ACOX2: variants seen among roughly 807,000 people sequenced by gnomAD.
ACOX2 encodes the protein acyl-CoA oxidase 2.
A neutral mutation model predicts 77.5 loss-of-function variants in ACOX2; 59 were observed. The observed-to-expected ratio is 0.76, with a 90% CI of 0.62 to 0.95. ACOX2 has a LOEUF of 0.95. Among genes scored for constraint, ACOX2 ranks in the 40% least tolerant of loss-of-function variants. ACOX2 has a pLI of 0.00. For synonymous variants in ACOX2, 317 were observed against 340.1 expected (o/e 0.93, Z 0.75); for missense variants, 837 against 880.4 (o/e 0.95, Z 0.62).
At chr3:58,511,323 TG>T (rs35489879) in intron 13 of ACOX2, 99,738 of 368,430 alleles carry the variant, frequency 0.27, 14,869 homozygotes, top group Middle Eastern at 0.37. Flanking sequence ...GGCAAGTTCA[TG>T]AAAAAGTGGG....
Position 58,515,025 on chromosome 3 carries a change from C to CT in ACOX2, c.1850+2180dup, listed in dbSNP as rs368058851. ...GTTTTTGATGATTTAACTGAACAAACTTTTTTTTTTTTCTTGAGATGGAGT... is the reference window on the plus strand; with the variant it reads ...GTTTTTGATGATTTAACTGAACAAACTTTTTTTTTTTTTCTTGAGATGGAGT... On this transcript the variant is annotated intron_variant, in intron 13 of 14. Coordinates refer to ENST00000302819, the MANE Select transcript of ACOX2 (RefSeq NM_003500.4). This position sits in a 1 kb window ranked among gnomAD's most constrained non-coding sequence, Gnocchi z 4.0. Among the ~76,000 whole-genome samples, 69 of 147,560 alleles carry CT rather than the reference C, an allele frequency of 4.7e-4. No homozygotes were observed. The highest frequency in any genetic ancestry group is 8.0e-4 in the East Asian group (4 of 5,030).
In ACOX2 at chr3:58,530,331, T is replaced by G. The variant is rs1046167574; in HGVS notation, c.992+135A>C. The G allele has an allele frequency of 2.4e-6, 3 of 1,263,534 alleles. No homozygotes were observed. In the African/African-American group the frequency reaches 4.4e-5, roughly 19 times the overall value. 78.3% of individuals were successfully genotyped at this position (1,263,534 alleles called of 1,614,324 possible). A position where few individuals can be genotyped will look rare whatever the true frequency, so the allele number is the denominator to read the frequency against. On this transcript the variant is annotated intron_variant, in intron 8 of 14. Transcript: ENST00000302819. The stretch of plus-strand genomic sequence containing the variant: ...GGCCAGGCTGGGTAGATTTTGTGTT[T>G]GTGTGTGTGTATGTGGTGGGGGGCA...
chr3:58,518,096 AAAAAG>A (rs1560213408), intron 12 of ACOX2, among the ~76,000 whole-genome samples: 1 of 151,144 alleles, frequency 6.6e-6, no homozygotes, highest in Non-Finnish European at 1.5e-5. Flanking sequence ...AAAAAAAAAA[AAAAAG>A]AAAAGAAAAG....
At position 58,512,729 on chromosome 3, in the gene ACOX2, C is replaced by T. The variant is rs1386200056; in HGVS notation, c.1851-3704G>A. The stretch of plus-strand genomic sequence containing the variant: ...ATGCACTGCATAATGATGTTTTGGT[C>T]AATGATGGACCATGTATATGATGGC... On this transcript the variant is annotated intron_variant, in intron 13 of 14. Coordinates refer to ENST00000302819, the MANE Select transcript of ACOX2 (RefSeq NM_003500.4). This position sits in a 1 kb window ranked among gnomAD's most constrained non-coding sequence, Gnocchi z 4.8. Among the ~76,000 whole-genome samples the T allele has an allele frequency of 1.3e-5, 2 of 152,140 alleles. No homozygotes were observed. Among genetic ancestry groups the T allele is most frequent in the Non-Finnish European group, 2.9e-5 (2 of 68,038 alleles).
intron 13 of ACOX2, among the ~76,000 whole-genome samples, chr3:58,516,650 C>G (rs2063323541): frequency 6.6e-6 from 1 of 152,086 alleles, no homozygotes; most frequent in Non-Finnish European, 1.5e-5. Flanking sequence ...CCAGCCTGGT[C>G]AACATGGCGA....
chr3:58,509,774 T>C (rs2107985560), intron 13 of ACOX2, among the ~76,000 whole-genome samples: 1 of 151,524 alleles, frequency 6.6e-6, no homozygotes, highest in Middle Eastern at 3.4e-3. Context: ...CCTGGCTGAT[T>C]TTTGTATTTT....
Position 58,531,488 on chromosome 3 carries a change from C to T in ACOX2, c.704-122G>A. 3.3e-6 allele frequency: 4 copies of T among 1,228,884 alleles called. No individual in the cohort carries two copies. The highest frequency in any genetic ancestry group is 2.5e-5 in the East Asian group (1 of 40,198). The allele number at this position is 1,228,884 out of a possible 1,614,324, so 76.1% of individuals were successfully genotyped here. ...CACTGGGATTATTGTACCTATTTTG[C>T]AGGTGAACAAGCTGAGGTCAGAAAG... On this transcript the variant is annotated intron_variant, in intron 6 of 14. Transcript: ENST00000302819. The surrounding 1 kb of genome is among the most constrained non-coding windows in gnomAD (Gnocchi z 5.8).
At position 58,526,738 on chromosome 3, in the gene ACOX2, T is replaced by C; in HGVS notation, c.1156-82A>G. On this transcript the variant is annotated intron_variant, in intron 9 of 14. Transcript: ENST00000302819. This position sits in a 1 kb window ranked among gnomAD's most constrained non-coding sequence, Gnocchi z 4.3. ...AACCCTGTGCACCACTTACTGAGCA[T>C]CTACTCATGCCCAGCTCAGCTCTGA... 1.4e-6 allele frequency: 2 copies of C among 1,437,486 alleles called. No homozygotes were observed. The highest frequency in any genetic ancestry group is 1.9e-6 in the Non-Finnish European group (2 of 1,049,332). The allele number at this position is 1,437,486 out of a possible 1,614,324, so 89.0% of individuals were successfully genotyped here.
chr3:58,517,559 T>C (rs2063330047), intron 12 of ACOX2, 136 bp from the exon 13 acceptor site: 1 of 562,524 alleles, frequency 1.8e-6, no homozygotes. Context: ...AGCTGCCTTT[T>C]CTCCTAGCTC....
rs374565538 is a variant in ACOX2, at chr3:58,526,659, G to C, written c.1156-3C>G. ...ATGCCCGTGCTCAGTGCGTGGAGCT[G>C]TGAGAACATGGAGGGGGGTTGGGCG... is the stretch of plus-strand genomic sequence containing the variant. On this transcript the variant is annotated splice_polypyrimidine_tract_variant and splice_region_variant and intron_variant, in intron 9 of 14. Coordinates refer to ENST00000302819, the MANE Select transcript of ACOX2 (RefSeq NM_003500.4). This position sits in a 1 kb window ranked among gnomAD's most constrained non-coding sequence, Gnocchi z 4.3. 53 of 1,612,904 alleles carry C rather than the reference G, an allele frequency of 3.3e-5. No homozygotes were observed. Among genetic ancestry groups the C allele is most frequent in the Non-Finnish European group, 4.3e-5 (51 of 1,179,446 alleles).
At position 58,525,163 on chromosome 3, in the gene ACOX2, G is replaced by C. The variant is rs923562747; in HGVS notation, c.1347-558C>G. On this transcript the variant is annotated intron_variant, in intron 10 of 14. Coordinates refer to ENST00000302819, the MANE Select transcript of ACOX2 (RefSeq NM_003500.4). The surrounding 1 kb of genome is among the most constrained non-coding windows in gnomAD (Gnocchi z 5.0). ...TCTCTAGCTCTAGGTGGGGAGGACAGTTCTCATCTGATTGAGGGTTTGTGA... is the reference window on the plus strand; with the variant it reads ...TCTCTAGCTCTAGGTGGGGAGGACACTTCTCATCTGATTGAGGGTTTGTGA... Among the ~76,000 whole-genome samples the C allele has an allele frequency of 6.6e-6, 1 of 152,116 alleles. No homozygotes were observed. Among genetic ancestry groups the C allele is most frequent in the South Asian group, 2.1e-4 (1 of 4,818 alleles).
At chr3:58,520,779 G>T (rs912467696) in intron 12 of ACOX2, among the ~76,000 whole-genome samples, 1 of 152,332 alleles carries the variant, frequency 6.6e-6, no homozygotes, top group South Asian at 2.1e-4. Flanking sequence ...AGCTGTCAGG[G>T]ACGTGTTCTT....
intron 13 of ACOX2, chr3:58,510,886 T>C (rs1226720454): frequency 6.8e-6 from 3 of 438,746 alleles, no homozygotes; most frequent in Non-Finnish European, 1.4e-5. Flanking sequence ...AGGGCTCAAG[T>C]GGGCCCTGAT....
Position 58,517,344 on chromosome 3 carries a change from A to G in ACOX2, c.1712T>C (p.Val571Ala). 1 of 1,614,166 alleles carries G rather than the reference A, an allele frequency of 6.2e-7. No homozygotes were observed. The highest frequency in any genetic ancestry group is 8.5e-7 in the Non-Finnish European group (1 of 1,180,032). ...ATGGAGGTCACAGAGGCGCTTGAGCACCTGCTGAATCGCTGGTTCATTTTC... is the reference window on the plus strand; with the variant it reads ...ATGGAGGTCACAGAGGCGCTTGAGCGCCTGCTGAATCGCTGGTTCATTTTC... ...KLENEPAIQQ[V>A]LKRLCDLHAI... Residue 571 changes from valine (V) to alanine (A), a missense_variant, in exon 13 of 15, where the codon GTG (valine) becomes GCG (alanine). By Grantham distance (64) the Val-to-Ala change is moderately conservative. Transcript: ENST00000302819.
rs1203731834 is a variant in ACOX2, at chr3:58,531,121, C to G, written c.819+130G>C. 1.3e-6 allele frequency: 1 copy of G among 753,594 alleles called. No individual in the cohort carries two copies. The highest frequency in any genetic ancestry group is 2.2e-6 in the Non-Finnish European group (1 of 462,126). The allele number at this position is 753,594 out of a possible 1,614,324, so 46.7% of individuals were successfully genotyped here. ...GGTTTCACCCCAATCTGTGGGATAT[C>G]AGAGCCTCTCTTGGGGGAGGAGGTT... is the stretch of plus-strand genomic sequence containing the variant. On this transcript the variant is annotated intron_variant, in intron 7 of 14. Transcript: ENST00000302819. The surrounding 1 kb of genome is among the most constrained non-coding windows in gnomAD (Gnocchi z 5.8).
intron 8 of ACOX2, among the ~76,000 whole-genome samples, chr3:58,530,243 T>C (rs1203676603): frequency 1.3e-5 from 2 of 152,178 alleles, no homozygotes; most frequent in Admixed American, 1.3e-4. Flanking sequence ...AGGATGCAGG[T>C]TAGGCCGGCT....
chr3:58,534,642 C>G lies in ACOX2; in HGVS notation c.161-120G>C, dbSNP rs1206199050. 6.4e-7 allele frequency: 1 copy of G among 1,570,838 alleles called. No homozygotes were observed. The highest frequency in any genetic ancestry group is 2.3e-5 in the East Asian group (1 of 43,770). On this transcript the variant is annotated intron_variant, in intron 2 of 14. Transcript: ENST00000302819. The surrounding 1 kb of genome is among the most constrained non-coding windows in gnomAD (Gnocchi z 4.8). ...GAAGTCAGACATTATTGTTATTTTA[C>G]AGATGACAAAACTGAGGACCAAGGT...
At chr3:58,510,709 T>TATATACAC (rs2063279955) in intron 13 of ACOX2, among the ~76,000 whole-genome samples, 1 of 7,282 alleles carries the variant, frequency 1.4e-4, no homozygotes, top group Non-Finnish European at 2.5e-4. Flanking sequence ...TATATATATA[T>TATATACAC]ACACACACAC....
rs768254049 is a variant in ACOX2 at position 58,517,349 on chromosome 3, C to G, written c.1707G>C (p.Gln569His). 1.1e-5 allele frequency: 17 copies of G among 1,614,074 alleles called. No individual in the cohort carries two copies. In the East Asian group the frequency reaches 3.8e-4, roughly 36 times the overall value. The stretch of plus-strand genomic sequence containing the variant: ...GGTCACAGAGGCGCTTGAGCACCTG[C>G]TGAATCGCTGGTTCATTTTCTAGTT... ...LEKLENEPAI[Q>H]QVLKRLCDLH... The change falls in exon 13 of 15, where the codon CAG becomes CAC. Residue 569 changes from glutamine (Q) to histidine (H), a missense_variant. Transcript: ENST00000302819.
Sources: gnomAD v4.1 joint callset for allele counts (sites outside exome capture counted in the v4.1 genomes callset) on GRCh38, gnomAD v4.1.1 for gene constraint, Gnocchi (gnomAD v3.1) non-coding constraint, MANE v1.5 for transcripts, NCBI Gene and HGNC (gene_info 2026-07-23, HGNC 2026-07-21) for gene names.